The following NEK1 variants were observed in gnomAD, a reference collection of about 807,000 sequenced individuals.
NEK1 encodes NIMA related kinase 1.
Under a neutral mutation model 182.1 loss-of-function variants are expected in NEK1, and 137 were observed. The ratio of observed to expected loss-of-function variants is 0.75; its 90% CI spans 0.65 to 0.87. NEK1 has a LOEUF of 0.87. Ranked by LOEUF, NEK1 falls within the 40% of genes least tolerant of loss-of-function variation. The pLI, the probability that NEK1 is intolerant of heterozygous loss-of-function variation, is 0.00. For missense variants in NEK1, 1,391 were observed against 1,494.4 expected, an observed-to-expected ratio of 0.93 and a Z score of 1.14; for synonymous variants, 513 against 492.2, an observed-to-expected ratio of 1.04 and a Z score of -0.56.
At position 169,536,280 on chromosome 4, in the gene NEK1, G is replaced by C. The variant is rs1758482391; in HGVS notation, c.1665+1529C>G. Among the ~76,000 whole-genome samples the C allele has an allele frequency of 2.2e-5, 3 of 136,906 alleles. No homozygotes were observed. In the South Asian group the frequency reaches 6.8e-4, roughly 31 times the overall value. 89.8% of individuals were successfully genotyped at this position (136,906 alleles called of 152,430 possible). A position where few individuals can be genotyped will look rare whatever the true frequency, so the allele number is the denominator to read the frequency against. ...CCACTGCACTCTAGCCTGGGTGACAGAGTGAGAGTTTGTCTCAAAAAAAAA... is the reference window on the plus strand; with the variant it reads ...CCACTGCACTCTAGCCTGGGTGACACAGTGAGAGTTTGTCTCAAAAAAAAA... On this transcript the variant is annotated intron_variant, in intron 19 of 35. Coordinates refer to ENST00000507142, the MANE Select transcript of NEK1 (RefSeq NM_001199397.3).
intron 19 of NEK1, among the ~76,000 whole-genome samples, chr4:169,525,434 C>G (rs534523659): frequency 1.3e-5 from 2 of 152,056 alleles, no homozygotes; most frequent in South Asian, 4.1e-4. Flanking sequence ...CCAGCCCAAA[C>G]GTTATTTTAG....
intron 18 of NEK1, among the ~76,000 whole-genome samples, chr4:169,549,656 CAG>C (rs1761119390): frequency 6.6e-6 from 1 of 152,126 alleles, no homozygotes; most frequent in Admixed American, 6.5e-5. Context: ...CTCCTGACCT[CAG>C]GTGATCTGCC....
Position 169,433,561 on chromosome 4 carries a change from C to CT in NEK1, c.2868dup (p.Glu957ArgfsTer10). ...TGTACATACTGAGTTTCCTTTGTTTCTTTTTCCTCACTAATCCACACATCA... is the reference window on the plus strand; with the variant it reads ...TGTACATACTGAGTTTCCTTTGTTTCTTTTTTCCTCACTAATCCACACATCA... On this transcript the variant is annotated frameshift_variant, in exon 29 of 36. Coordinates refer to ENST00000507142, the MANE Select transcript of NEK1 (RefSeq NM_001199397.3). LOFTEE classifies it high-confidence loss of function. 6.2e-7 allele frequency: 1 copy of CT among 1,609,322 alleles called. No individual in the cohort carries two copies. Among genetic ancestry groups the CT allele is most frequent in the Non-Finnish European group, 8.5e-7 (1 of 1,178,480 alleles).
intron 29 of NEK1, 120 bp from the exon 30 acceptor site, chr4:169,426,354 G>A (rs2111357655): frequency 1.3e-6 from 1 of 747,338 alleles, no homozygotes; most frequent in Non-Finnish European, 2.2e-6. Flanking sequence ...CCTCTTCCAA[G>A]TATTTTTCTC....
chr4:169,545,622 C>T (rs1760294273), intron 18 of NEK1, among the ~76,000 whole-genome samples: 1 of 148,018 alleles, frequency 6.8e-6, no homozygotes, highest in Non-Finnish European at 1.5e-5. Flanking sequence ...TGAGGAATCG[C>T]CACACTGACT....
At chr4:169,529,428 G>C (rs968705948) in intron 19 of NEK1, among the ~76,000 whole-genome samples, 1 of 152,046 alleles carries the variant, frequency 6.6e-6, no homozygotes, top group East Asian at 1.9e-4. Context: ...TACAATAAAC[G>C]TCTTCTTCCT....
intron 19 of NEK1, among the ~76,000 whole-genome samples, chr4:169,522,644 G>A (rs956089016): frequency 6.6e-6 from 1 of 152,218 alleles, no homozygotes; most frequent in Non-Finnish European, 1.5e-5. Context: ...GCTGTCTTGT[G>A]AGAATGGAAG....
chr4:169,559,270 TA>T (rs769179695), intron 16 of NEK1, among the ~76,000 whole-genome samples: 1 of 152,086 alleles, frequency 6.6e-6, no homozygotes, highest in South Asian at 2.1e-4. Context: ...ACGGACTTGA[TA>T]AAAAAATGCT....
chr4:169,593,700 T>C (rs545292701), intron 5 of NEK1, among the ~76,000 whole-genome samples: 72 of 152,302 alleles, frequency 4.7e-4, no homozygotes, highest in African/African-American at 1.7e-3. Context: ...TTTAAAATTG[T>C]AACCCTGGTC....
chr4:169,452,357 C>G (rs1741971390), intron 27 of NEK1, among the ~76,000 whole-genome samples: 1 of 152,116 alleles, frequency 6.6e-6, no homozygotes, highest in Non-Finnish European at 1.5e-5. Context: ...CTGGCAGAGA[C>G]ACAACCAGAT....
In NEK1 at chr4:169,424,687, C is replaced by A; in HGVS notation, c.3088G>T (p.Val1030Phe). The A allele has an allele frequency of 6.2e-7, 1 of 1,613,824 alleles. No individual in the cohort carries two copies. The highest frequency in any genetic ancestry group is 8.5e-7 in the Non-Finnish European group (1 of 1,179,830). The change falls in exon 31 of 36, where the codon GTT (valine) becomes TTT (phenylalanine). Residue 1030 changes from valine (V) to phenylalanine (F), a missense_variant. Around this residue, in one of 5 missense-constraint regions of NEK1, gnomAD observed 1,216 missense variants for 1,277.6 expected, o/e 0.95. Transcript: ENST00000507142. Reference sequence around the variant, plus strand: ...TCTGGTGAACACTGAACTGATTGAACTTGAGGGACTAAGTTCAAGTGTTCA... The same window carrying A: ...TCTGGTGAACACTGAACTGATTGAAATTGAGGGACTAAGTTCAAGTGTTCA... ...HSEHLNLVPQVQSVQCSPEES... is the reference protein window; with the variant it reads ...HSEHLNLVPQFQSVQCSPEES...
intron 26 of NEK1, among the ~76,000 whole-genome samples, chr4:169,465,155 G>T (rs768022791): frequency 7.2e-5 from 11 of 152,168 alleles, no homozygotes; most frequent in Non-Finnish European, 1.6e-4. Context: ...TTACCAAGAG[G>T]AATTTCTTAA....
intron 19 of NEK1, among the ~76,000 whole-genome samples, chr4:169,514,131 G>A (rs887857125): frequency 1.3e-5 from 2 of 151,826 alleles, no homozygotes; most frequent in Non-Finnish European, 2.9e-5. Context: ...GACTACAGGC[G>A]CCTGCCACCA....
intron 23 of NEK1, among the ~76,000 whole-genome samples, chr4:169,487,335 C>A (rs542264714): frequency 6.6e-6 from 1 of 152,242 alleles, no homozygotes; most frequent in South Asian, 2.1e-4. Context: ...CCTCAAAAGC[C>A]CCAATGTGTG....
In NEK1 at chr4:169,484,282, G is replaced by A. The variant is rs56923491; in HGVS notation, c.2008-4748C>T. ...AGGCTGGTCTCGAACTCCTGACCCC[G>A]TGATCTGCCTGCCTTGGCCTCCCAG... On this transcript the variant is annotated intron_variant, in intron 23 of 35. Transcript: ENST00000507142. Among the ~76,000 whole-genome samples the A allele has an allele frequency of 3.6e-3, 553 of 152,276 alleles. 4 individuals carry two copies. Among genetic ancestry groups the A allele is most frequent in the East Asian group, 0.034 (179 of 5,192 alleles).
At chr4:169,523,421 A>G (rs1175828472) in intron 19 of NEK1, among the ~76,000 whole-genome samples, 1 of 152,230 alleles carries the variant, frequency 6.6e-6, no homozygotes, top group African/African-American at 2.4e-5. Context: ...AGACTCACAC[A>G]CAGCAAGAAC....
chr4:169,436,335 G>A (rs1466539453), intron 28 of NEK1, among the ~76,000 whole-genome samples: 1 of 152,198 alleles, frequency 6.6e-6, no homozygotes, highest in Non-Finnish European at 1.5e-5. Flanking sequence ...TTGGGACTGC[G>A]GAGCAGGCAG....
intron 27 of NEK1, among the ~76,000 whole-genome samples, chr4:169,461,196 C>T (rs1209269220): frequency 6.6e-6 from 1 of 152,098 alleles, no homozygotes; most frequent in Non-Finnish European, 1.5e-5. Flanking sequence ...ATGAAGCTAC[C>T]TCCACATACA....
At chr4:169,403,294 A>G (rs568088260) in intron 32 of NEK1, among the ~76,000 whole-genome samples, 124 of 151,104 alleles carry the variant, frequency 8.2e-4, no homozygotes, top group African/African-American at 2.8e-3. Context: ...TAGGCTGGGT[A>G]CAGTGGCTCA....
Sources: gnomAD v4.1 joint callset for allele counts (sites outside exome capture counted in the v4.1 genomes callset) on GRCh38, gnomAD v4.1.1 for gene constraint, gnomAD v4.1.1 regional missense constraint, MANE v1.5 for transcripts, NCBI Gene and HGNC (gene_info 2026-07-23, HGNC 2026-07-21) for gene names.